Variants in TLE4 observed in about 807,000 individuals in gnomAD.
The protein encoded by TLE4 is transducin-like enhancer protein 4.
TLE4 carries 8 observed loss-of-function variants against 92.8 expected under a neutral mutation model. That is an observed-to-expected ratio of 0.09 (90% CI 0.05 to 0.16). The LOEUF is 0.16. Among genes scored for constraint, TLE4 ranks in the 10% least tolerant of loss-of-function variants. The probability of loss-of-function intolerance (pLI) is 1.00; values close to 1 mark genes in which losing one functional copy is unlikely to be tolerated. For missense variants in TLE4, 675 were observed against 997.6 expected, an observed-to-expected ratio of 0.68 and a Z score of 4.36; for synonymous variants, 371 against 374.1, an observed-to-expected ratio of 0.99 and a Z score of 0.10.
chr9:79,593,480 T>G (rs1201184358), intron 4 of TLE4, among the ~76,000 whole-genome samples: 1 of 152,214 alleles, frequency 6.6e-6, no homozygotes, highest in African/African-American at 2.4e-5. Flanking sequence ...TCTACACTCT[T>G]GGAAACTCTA....
At chr9:79,625,285 C>G (rs962507906) in intron 5 of TLE4, among the ~76,000 whole-genome samples, 1 of 151,986 alleles carries the variant, frequency 6.6e-6, no homozygotes, top group East Asian at 1.9e-4. Flanking sequence ...TCCCAAAGTG[C>G]TGGGATTACA....
At chr9:79,671,640 A>G in intron 8 of TLE4, 1 of 197,678 alleles carries the variant, frequency 5.1e-6, no homozygotes, top group Non-Finnish European at 1.1e-5. Context: ...AAGAACACAC[A>G]TCCCTGCACT....
intron 4 of TLE4, among the ~76,000 whole-genome samples, chr9:79,590,627 G>T (rs935281158): frequency 5.3e-5 from 8 of 152,060 alleles, no homozygotes; most frequent in Admixed American, 2.0e-4. Flanking sequence ...TGATAGGAGG[G>T]TTTTTTTATA....
rs1046431849 is a variant in TLE4 at position 79,572,024 on chromosome 9, C to T, written c.-767C>T. 2 of 151,990 alleles carry T rather than the reference C, an allele frequency of 1.3e-5. No individual in the cohort carries two copies. Among genetic ancestry groups the T allele is most frequent in the African/African-American group, 4.8e-5 (2 of 41,340 alleles). The allele number at this position is 151,990 out of a possible 1,614,324, so 9.4% of individuals were successfully genotyped here. A position where few individuals can be genotyped will look rare whatever the true frequency, so the allele number is the denominator to read the frequency against. ...TTGGGTTGTTGGCTGCTTTCTTCCC[C>T]CTTTCTCACACACTTGTATATTATT... On this transcript the variant is annotated 5_prime_UTR_variant, in exon 1 of 20. Transcript: ENST00000376552.
At chr9:79,707,010 A>G in intron 11 of TLE4, 111 bp downstream of exon 11, 1 of 1,556,980 alleles carries the variant, frequency 6.4e-7, no homozygotes, top group Non-Finnish European at 8.7e-7. Flanking sequence ...TTTATTTCCA[A>G]ATGTATATAT....
chr9:79,682,169 C>T (rs2064839770), intron 8 of TLE4, among the ~76,000 whole-genome samples: 1 of 152,036 alleles, frequency 6.6e-6, no homozygotes, highest in Non-Finnish European at 1.5e-5. Flanking sequence ...TTTTTAAGAT[C>T]AGGCAGGCCC....
rs775125559 is a variant in TLE4 at position 79,708,688 on chromosome 9, C to T, written c.1165C>T (p.Pro389Ser). 1.2e-6 allele frequency: 2 copies of T among 1,613,876 alleles called. No individual in the cohort carries two copies. Among genetic ancestry groups the T allele is most frequent in the South Asian group, 2.2e-5 (2 of 91,082 alleles). The change falls in exon 13 of 20, where the codon CCC becomes TCC. Residue 389 changes from proline to serine, a missense_variant. Pro to Ser is a moderately conservative substitution (Grantham distance 74). Transcript: ENST00000376552. The stretch of plus-strand genomic sequence containing the variant: ...TGGAATGAACGGAGAGCTGACCAGC[C>T]CCGGAGCGGCCTACGCTGGGCTCCA... The part of the protein sequence containing the change: ...HAGMNGELTS[P>S]GAAYAGLHNI...
At position 79,646,795 on chromosome 9, in the gene TLE4, T is replaced by A. The variant is rs369686607; in HGVS notation, c.391-5798T>A. On this transcript the variant is annotated intron_variant, in intron 6 of 19. Coordinates refer to ENST00000376552, the MANE Select transcript of TLE4 (RefSeq NM_007005.6). ...TTTGGTGACTTAATTTCATTTTATC[T>A]TATAGTTTAATATTTTTAAAACACT... is the stretch of plus-strand genomic sequence containing the variant. 2.6e-5 allele frequency among the ~76,000 whole-genome samples: 4 copies of A among 152,190 alleles called. No individual in the cohort carries two copies. The East Asian group carries it at 7.7e-4, about 29-fold the overall frequency.
At chr9:79,639,037 T>C (rs1376941574) in intron 6 of TLE4, among the ~76,000 whole-genome samples, 1 of 152,166 alleles carries the variant, frequency 6.6e-6, no homozygotes, top group Non-Finnish European at 1.5e-5. Context: ...TGTGGTTTTC[T>C]TCTTAACAGA....
chr9:79,679,943 T>A (rs1023202088), intron 8 of TLE4, among the ~76,000 whole-genome samples: 20 of 152,136 alleles, frequency 1.3e-4, no homozygotes, highest in Non-Finnish European at 2.8e-4. Context: ...GCGGCATTAT[T>A]TCTGAGGGCT....
intron 4 of TLE4, among the ~76,000 whole-genome samples, chr9:79,612,383 C>T (rs1367007417): frequency 6.6e-6 from 1 of 151,992 alleles, no homozygotes; most frequent in African/African-American, 2.4e-5. Flanking sequence ...AACTGATTTC[C>T]AGTCATGGAA....
intron 8 of TLE4, chr9:79,671,602 C>A (rs865990962): frequency 4.7e-6 from 1 of 212,474 alleles, no homozygotes; most frequent in African/African-American, 2.2e-5. Flanking sequence ...ACACCTAATC[C>A]CTGTCAATAA....
In TLE4 at chr9:79,582,962, AAAG is replaced by A; in HGVS notation, c.252+6786_252+6788del. Among the ~76,000 whole-genome samples the A allele has an allele frequency of 1.3e-5, 2 of 152,188 alleles. 1 individual carries two copies. Among genetic ancestry groups the A allele is most frequent in the South Asian group, 4.1e-4 (2 of 4,828 alleles). ...AGTTTGCAAGGCTTAGGACTTGTTC[AAAG>A]TAAGTATACTGCGAACAGTTTATGA... On this transcript the variant is annotated intron_variant, in intron 4 of 19. Transcript: ENST00000376552.
chr9:79,594,223 G>C (rs558031397), intron 4 of TLE4, among the ~76,000 whole-genome samples: 3 of 152,168 alleles, frequency 2.0e-5, no homozygotes, highest in Non-Finnish European at 4.4e-5. Context: ...GTCTGGGTTG[G>C]TGCATGATAC....
At chr9:79,611,211 A>C (rs2048297293) in intron 4 of TLE4, among the ~76,000 whole-genome samples, 1 of 152,036 alleles carries the variant, frequency 6.6e-6, no homozygotes, top group Non-Finnish European at 1.5e-5. Flanking sequence ...GCAGCTCTTC[A>C]TGGTGGCTTA....
At chr9:79,611,194 T>A (rs1401648347) in intron 4 of TLE4, among the ~76,000 whole-genome samples, 1 of 152,068 alleles carries the variant, frequency 6.6e-6, no homozygotes, top group East Asian at 1.9e-4. Context: ...GTTTGGTGAT[T>A]CCCATTGCAG....
At chr9:79,573,467 G>T (rs1024202162) in intron 1 of TLE4, 17 of 1,043,898 alleles carry the variant, frequency 1.6e-5, no homozygotes, top group Non-Finnish European at 2.1e-5. Context: ...CGGGGCGCGG[G>T]GGCCTGCGGG....
Position 79,572,147 on chromosome 9 carries a change from G to A in TLE4, c.-644G>A, listed in dbSNP as rs1225879456. 1 of 151,524 alleles carries A rather than the reference G, an allele frequency of 6.6e-6. No homozygotes were observed. The highest frequency in any genetic ancestry group is 1.5e-5 in the Non-Finnish European group (1 of 67,896). 9.4% of individuals were successfully genotyped at this position (151,524 alleles called of 1,614,324 possible). ...TTTTTATAATCCCCTTCAATTTGGG[G>A]TTAAAAAAAAGACAAGAAAACAGGA... is the stretch of plus-strand genomic sequence containing the variant. On this transcript the variant is annotated 5_prime_UTR_variant, in exon 1 of 20. Coordinates refer to ENST00000376552, the MANE Select transcript of TLE4 (RefSeq NM_007005.6).
At chr9:79,685,678 A>AT in intron 8 of TLE4, among the ~76,000 whole-genome samples, 1 of 152,348 alleles carries the variant, frequency 6.6e-6, no homozygotes, top group South Asian at 2.1e-4. Flanking sequence ...ATATCTAAAG[A>AT]TAACTCATTT....
Sources: gnomAD v4.1 joint callset for allele counts (sites outside exome capture counted in the v4.1 genomes callset) on GRCh38, gnomAD v4.1.1 for gene constraint, MANE v1.5 for transcripts, NCBI Gene and HGNC (gene_info 2026-07-23, HGNC 2026-07-21) for gene names.